Variants in PHF8 observed in about 807,000 individuals in gnomAD.
PHF8 encodes the protein histone lysine demethylase PHF8.
Under a neutral mutation model 74.4 loss-of-function variants are expected in PHF8, and 9 were observed. The observed-to-expected ratio is 0.12, with a 90% confidence interval of 0.07 to 0.21. The LOEUF (loss-of-function observed/expected upper bound fraction) is 0.21. Ranked by LOEUF, PHF8 falls within the 10% of genes least tolerant of loss-of-function variation. The probability of loss-of-function intolerance (pLI) is 1.00; values close to 1 mark genes in which losing one functional copy is unlikely to be tolerated. For synonymous variants in PHF8, 311 were observed against 316.6 expected (o/e 0.98, Z 0.19); for missense variants, 478 against 816.6 (o/e 0.59, Z 5.05).
In PHF8 at chrX:53,938,336, C is replaced by T; in HGVS notation, c.*822G>A. 1.0e-6 allele frequency: 1 copy of T among 987,206 alleles called. No individual in the cohort carries two copies. Among genetic ancestry groups the T allele is most frequent in the Non-Finnish European group, 1.3e-6 (1 of 782,201 alleles). The allele number at this position is 987,206 out of a possible 1,213,427, so 81.4% of individuals were successfully genotyped here. ...GCCCAGCCACAGCCACAGCCACAGCCACGTGGATAATGTTCTACATGATTT... is the reference window on the plus strand; with the variant it reads ...GCCCAGCCACAGCCACAGCCACAGCTACGTGGATAATGTTCTACATGATTT... On this transcript the variant is annotated 3_prime_UTR_variant, in exon 22 of 22. Transcript: ENST00000338154.
chrX:53,993,677 G>A lies in PHF8; in HGVS notation c.1550C>T (p.Ala517Val), dbSNP rs2065703668. The change falls in exon 13 of 22, where the codon GCT (alanine) becomes GTT (valine). Residue 517 changes from alanine (A) to valine (V), a missense_variant. Around this residue, in one of 9 missense-constraint regions of PHF8, gnomAD observed 153 missense variants for 164.8 expected, o/e 0.93. Coordinates refer to ENST00000338154, the MANE Select transcript of PHF8 (RefSeq NM_015107.3). Reference protein sequence around the residue: ...KGKESSALGPAGQLSYNLMDT... With the variant: ...KGKESSALGPVGQLSYNLMDT... ...CATGAGATTATAGCTCAACTGGCCA[G>A]CAGGCCCCAAGGCTGAACTCTCCTT... 1 of 1,209,592 alleles carries A rather than the reference G, an allele frequency of 8.3e-7. No homozygotes were observed. Among genetic ancestry groups the A allele is most frequent in the Admixed American group, 2.2e-5 (1 of 46,157 alleles).
intron 21 of PHF8, among the ~76,000 whole-genome samples, chrX:53,939,470 T>C (rs1202788507): frequency 9.0e-6 from 1 of 111,419 alleles, no homozygotes; most frequent in Non-Finnish European, 1.9e-5. Flanking sequence ...ACTCCCTGAT[T>C]ACAGTTTGTC....
At position 53,940,304 on chromosome X, in the gene PHF8, G is replaced by A. The variant is rs1557083057; in HGVS notation, c.2862C>T (p.Tyr954=). ...ALSGSLADHE[Y]TARPNAFGMA... is the part of the protein sequence containing the mutation. ...TGCCAAAGGCATTGGGACGAGCGGTGTACTCATGGTCAGCGAGACTTCCTG... is the reference window on the plus strand; with the variant it reads ...TGCCAAAGGCATTGGGACGAGCGGTATACTCATGGTCAGCGAGACTTCCTG... The change falls in exon 21 of 22, where the codon TAC becomes TAT. Residue 954 remains tyrosine, a synonymous_variant. Transcript: ENST00000338154. The A allele has an allele frequency of 5.8e-6, 7 of 1,207,941 alleles. No homozygotes were observed. In the Middle Eastern group the frequency reaches 1.4e-3, roughly 238 times the overall value.
At chrX:54,043,049 AC>A in intron 1 of PHF8, 1 of 253,115 alleles carries the variant, frequency 4.0e-6, no homozygotes, top group Admixed American at 1.1e-4. Context: ...TCCACTCCCC[AC>A]CCCCCACCTT....
chrX:53,944,277 A>T (rs1557084485), intron 19 of PHF8, 34 bp from the exon 20 acceptor site: 13 of 1,035,980 alleles, frequency 1.3e-5, no homozygotes, highest in Middle Eastern at 2.9e-4. Context: ...GGTGTCACTA[A>T]GACATTTATC....
chrX:54,031,991 A>C lies in PHF8; in HGVS notation c.99-9148T>G, dbSNP rs183641696. Among the ~76,000 whole-genome samples, 9 of 111,106 alleles carry C rather than the reference A, an allele frequency of 8.1e-5. No individual in the cohort carries two copies. In the South Asian group the frequency reaches 3.1e-3, roughly 38 times the overall value. ...CTGCTGGTCCAGGGACCACACTTTA[A>C]GGAATAATGATCTACAGTAGCCCCG... On this transcript the variant is annotated intron_variant, in intron 2 of 21. Coordinates refer to ENST00000338154, the MANE Select transcript of PHF8 (RefSeq NM_015107.3).
Position 53,940,301 on chromosome X carries a change from G to A in PHF8, c.2865C>T (p.Thr955=), listed in dbSNP as rs781784949. The A allele has an allele frequency of 1.0e-5, 12 of 1,205,479 alleles. No homozygotes were observed. Among genetic ancestry groups the A allele is most frequent in the East Asian group, 5.9e-5 (2 of 33,628 alleles). The stretch of plus-strand genomic sequence containing the variant: ...CCATGCCAAAGGCATTGGGACGAGC[G>A]GTGTACTCATGGTCAGCGAGACTTC... ...LSGSLADHEY[T]ARPNAFGMAQ... is the part of the protein sequence containing the mutation. The change falls in exon 21 of 22, where the codon ACC becomes ACT. Residue 955 remains threonine, a synonymous_variant. Transcript: ENST00000338154.
chrX:53,982,647 A>G (rs1557098366), intron 18 of PHF8, among the ~76,000 whole-genome samples: 1 of 112,223 alleles, frequency 8.9e-6, no homozygotes, highest in Non-Finnish European at 1.9e-5. Flanking sequence ...ACAAATCCCC[A>G]TATATATGGG....
intron 19 of PHF8, chrX:53,944,477 A>G (rs1371853470): frequency 2.6e-6 from 1 of 382,074 alleles, no homozygotes; most frequent in South Asian, 4.1e-5. Context: ...AAAAATGTGA[A>G]CCTCCTTTGG....
At chrX:54,004,269 G>A (rs1282614737) in intron 8 of PHF8, among the ~76,000 whole-genome samples, 2 of 107,277 alleles carry the variant, frequency 1.9e-5, no homozygotes, top group South Asian at 9.0e-4. Flanking sequence ...AAAGATGGAT[G>A]AATAAATGCC....
chrX:53,965,789 C>T (rs1390201252), intron 18 of PHF8, among the ~76,000 whole-genome samples: 1 of 111,382 alleles, frequency 9.0e-6, no homozygotes, highest in Non-Finnish European at 1.9e-5. Flanking sequence ...CAAAAGCAAA[C>T]TGAGGAAGGA....
intron 16 of PHF8, among the ~76,000 whole-genome samples, chrX:53,986,602 T>A (rs958530010): frequency 2.7e-5 from 3 of 112,331 alleles, no homozygotes; most frequent in African/African-American, 9.7e-5. Context: ...AAATCTTCCA[T>A]TTATATGCTC....
chrX:53,968,104 A>C (rs1603306559), intron 18 of PHF8, among the ~76,000 whole-genome samples: 1 of 106,348 alleles, frequency 9.4e-6, no homozygotes, highest in Non-Finnish European at 1.9e-5. Context: ...ACACCCAAGA[A>C]TGATCAATAA....
At chrX:53,949,728 T>C (rs1211216126) in intron 19 of PHF8, among the ~76,000 whole-genome samples, 8 of 98,756 alleles carry the variant, frequency 8.1e-5, no homozygotes, top group Non-Finnish European at 1.2e-4. Flanking sequence ...AGGAGAATGG[T>C]GTGAACCCGG....
At chrX:53,948,644 C>G (rs974385466) in intron 19 of PHF8, among the ~76,000 whole-genome samples, 5 of 111,956 alleles carry the variant, frequency 4.5e-5, no homozygotes, top group Admixed American at 3.8e-4. Context: ...AGGAATCAAG[C>G]AACTATAGCA....
intron 16 of PHF8, among the ~76,000 whole-genome samples, chrX:53,986,345 G>A (rs902876234): frequency 8.0e-5 from 9 of 112,478 alleles, no homozygotes; most frequent in Non-Finnish European, 1.1e-4. Flanking sequence ...GGGTTCAAGC[G>A]ATTCTTCGGC....
At chrX:53,942,991 C>T (rs2064776131) in intron 20 of PHF8, 1 of 764,532 alleles carries the variant, frequency 1.3e-6, no homozygotes, top group Non-Finnish European at 1.5e-6. Context: ...TTTAGAATGC[C>T]TCCCTGGCCC....
chrX:53,938,804 T>C lies in PHF8; in HGVS notation c.*354A>G, dbSNP rs1360382117. 26 of 800,591 alleles carry C rather than the reference T, an allele frequency of 3.2e-5. No individual in the cohort carries two copies. Among genetic ancestry groups the C allele is most frequent in the Non-Finnish European group, 3.9e-5 (26 of 670,237 alleles). The allele number at this position is 800,591 out of a possible 1,213,427, so 66.0% of individuals were successfully genotyped here. On this transcript the variant is annotated 3_prime_UTR_variant, in exon 22 of 22. Transcript: ENST00000338154. ...TTCCCACTTCATGGCTCAGGCTCCT[T>C]CATACCTCTCCTCATCCTGCCTTCC...
chrX:54,007,880 AC>A (rs1377195118), intron 8 of PHF8, among the ~76,000 whole-genome samples: 1 of 111,871 alleles, frequency 8.9e-6, no homozygotes, highest in African/African-American at 3.3e-5. Flanking sequence ...GTTACATATG[AC>A]TCAGCAATTC....
Sources: gnomAD v4.1 joint callset for allele counts (sites outside exome capture counted in the v4.1 genomes callset) on GRCh38, gnomAD v4.1.1 for gene constraint, gnomAD v4.1.1 regional missense constraint, MANE v1.5 for transcripts, NCBI Gene and HGNC (gene_info 2026-07-23, HGNC 2026-07-21) for gene names.